Variants in SGCZ observed in about 807,000 individuals in gnomAD.
SGCZ encodes sarcoglycan zeta, also known as zeta-sarcoglycan.
Under a neutral mutation model 41.3 loss-of-function variants are expected in SGCZ, and 40 were observed. The observed-to-expected ratio is 0.97, with a 90% CI of 0.75 to 1.26. The LOEUF is 1.26. SGCZ is among the 50% of genes most tolerant of loss of function. The pLI, the probability that SGCZ is intolerant of heterozygous loss-of-function variation, is 0.00. For synonymous variants in SGCZ, 206 were observed against 137.5 expected (o/e 1.50, Z -3.49); for missense variants, 552 against 369.8 (o/e 1.49, Z -4.04).
chr8:14,597,665 TG>T (rs372046506), intron 1 of SGCZ, among the ~76,000 whole-genome samples: 325 of 152,164 alleles, frequency 2.1e-3, no homozygotes, highest in Middle Eastern at 6.8e-3. Context: ...TTAGTAGTAA[TG>T]GGGTTTTACC....
In SGCZ at chr8:14,784,204, C is replaced by T. The variant is rs985390991; in HGVS notation, c.40-229278G>A. 3.0e-5 allele frequency among the ~76,000 whole-genome samples: 4 copies of T among 134,522 alleles called. No homozygotes were observed. The Admixed American group carries it at 3.2e-4, about 11-fold the overall frequency. The allele number at this position is 134,522 out of a possible 152,430, so 88.3% of individuals were successfully genotyped here. On this transcript the variant is annotated intron_variant, in intron 1 of 7. Transcript: ENST00000382080. The stretch of plus-strand genomic sequence containing the variant: ...TAGCAGGGAACACAGGCACATGCCA[C>T]CGAGCCTGGCTAATTTTTTTTTATT...
intron 1 of SGCZ, among the ~76,000 whole-genome samples, chr8:14,914,184 A>C: frequency 6.6e-6 from 1 of 151,834 alleles, no homozygotes; most frequent in Middle Eastern, 3.2e-3. Context: ...TATATATAAA[A>C]TATAGTTATA....
intron 2 of SGCZ, among the ~76,000 whole-genome samples, chr8:14,551,567 A>G (rs1056594621): frequency 4.2e-5 from 1 of 23,678 alleles, no homozygotes; most frequent in East Asian, 2.2e-3. Flanking sequence ...TATTATATAT[A>G]TAATATATAT....
rs1056138769 is a variant in SGCZ at position 15,000,766 on chromosome 8, C to T, written c.39+236819G>A. On this transcript the variant is annotated intron_variant, in intron 1 of 7. Transcript: ENST00000382080. ...TGTGAGCCCTGTGTAAATCAGACAC[C>T]GCCTTCTCCAGCCTGCCTATAAAAT... Among the ~76,000 whole-genome samples, 23 of 152,144 alleles carry T rather than the reference C, an allele frequency of 1.5e-4. 1 individual carries two copies. The highest frequency in any genetic ancestry group is 3.2e-4 in the Non-Finnish European group (22 of 68,022).
intron 2 of SGCZ, among the ~76,000 whole-genome samples, chr8:14,426,062 T>G (rs1799773974): frequency 6.6e-6 from 1 of 152,180 alleles, no homozygotes; most frequent in Non-Finnish European, 1.5e-5. Context: ...CTAGTAAGAA[T>G]AGTGAAGACA....
At chr8:14,311,674 T>C (rs767598286) in intron 3 of SGCZ, among the ~76,000 whole-genome samples, 4 of 152,206 alleles carry the variant, frequency 2.6e-5, no homozygotes, top group Admixed American at 6.6e-5. Context: ...AGCTCTTACA[T>C]ATGCAAAGCA....
At chr8:15,127,302 C>T (rs1017957016) in intron 1 of SGCZ, among the ~76,000 whole-genome samples, 1 of 151,362 alleles carries the variant, frequency 6.6e-6, no homozygotes, top group Non-Finnish European at 1.5e-5. Context: ...ACATACATGG[C>T]ATACCAGGAT....
In SGCZ at chr8:14,931,239, A is replaced by G. The variant is rs1343829831; in HGVS notation, c.39+306346T>C. ...ATTTAATCAGAACTAAGGGGTAAAA[A>G]AAATCTCATTTTATTCACTTATAGT... On this transcript the variant is annotated intron_variant, in intron 1 of 7. Transcript: ENST00000382080. Among the ~76,000 whole-genome samples, 4 of 152,032 alleles carry G rather than the reference A, an allele frequency of 2.6e-5. 1 individual carries two copies. Among genetic ancestry groups the G allele is most frequent in the Admixed American group, 2.6e-4 (4 of 15,278 alleles).
At chr8:14,136,900 G>C (rs1007165444) in intron 5 of SGCZ, among the ~76,000 whole-genome samples, 1 of 152,158 alleles carries the variant, frequency 6.6e-6, no homozygotes, top group African/African-American at 2.4e-5. Context: ...CTTCCCAGAA[G>C]GGCCGACTGA....
chr8:14,477,634 G>A (rs148866196), intron 2 of SGCZ, among the ~76,000 whole-genome samples: 243 of 152,218 alleles, frequency 1.6e-3, no homozygotes, highest in African/African-American at 5.2e-3. Flanking sequence ...ATTTAGCTAA[G>A]TCTAGTCTAA....
intron 1 of SGCZ, among the ~76,000 whole-genome samples, chr8:15,171,077 A>C (rs868275505): frequency 2.1e-4 from 32 of 152,340 alleles, no homozygotes; most frequent in African/African-American, 7.2e-4. Context: ...AAAACAACAG[A>C]AACAATTTTA....
chr8:15,107,795 G>C (rs1269372098), intron 1 of SGCZ, among the ~76,000 whole-genome samples: 3 of 152,184 alleles, frequency 2.0e-5, no homozygotes, highest in African/African-American at 7.2e-5. Context: ...ACTCTTTGGA[G>C]ATTTGGTGTT....
chr8:14,480,657 T>G (rs1272613948), intron 2 of SGCZ, among the ~76,000 whole-genome samples: 1 of 152,114 alleles, frequency 6.6e-6, no homozygotes, highest in African/African-American at 2.4e-5. Flanking sequence ...AAAAAACTTA[T>G]GCTTATTCCA....
At chr8:15,036,319 G>A (rs1365903996) in intron 1 of SGCZ, among the ~76,000 whole-genome samples, 2 of 151,996 alleles carry the variant, frequency 1.3e-5, no homozygotes, top group Non-Finnish European at 2.9e-5. Flanking sequence ...CCAATAAAGA[G>A]TAAGGAGATC....
intron 2 of SGCZ, among the ~76,000 whole-genome samples, chr8:14,479,761 T>A (rs1299859610): frequency 2.2e-5 from 2 of 92,114 alleles, no homozygotes; most frequent in African/African-American, 3.1e-5. Flanking sequence ...TTTTTTTTTT[T>A]ATTTGAGATG....
At chr8:15,167,786 G>T (rs1354084818) in intron 1 of SGCZ, among the ~76,000 whole-genome samples, 1 of 152,014 alleles carries the variant, frequency 6.6e-6, no homozygotes, top group Non-Finnish European at 1.5e-5. Flanking sequence ...TATATTTTAG[G>T]CTAACCCTGC....
chr8:14,560,368 G>T (rs1472479198), intron 1 of SGCZ, among the ~76,000 whole-genome samples: 1 of 151,720 alleles, frequency 6.6e-6, no homozygotes, highest in African/African-American at 2.4e-5. Flanking sequence ...TTAAAAAGCA[G>T]AATTTTAAAA....
chr8:14,558,135 A>G (rs908392348), intron 1 of SGCZ, among the ~76,000 whole-genome samples: 1 of 152,172 alleles, frequency 6.6e-6, no homozygotes, highest in Non-Finnish European at 1.5e-5. Flanking sequence ...GAAACACTGA[A>G]CAGACCAATA....
intron 1 of SGCZ, among the ~76,000 whole-genome samples, chr8:14,910,493 T>A (rs968479061): frequency 6.6e-6 from 1 of 151,232 alleles, no homozygotes; most frequent in Admixed American, 6.6e-5. Flanking sequence ...CTGTTTTTTT[T>A]AAATGTACAT....
Sources: allele counts gnomAD v4.1 joint callset (sites outside exome capture counted in the v4.1 genomes callset), GRCh38; gene constraint gnomAD v4.1.1; transcripts MANE v1.5; gene names NCBI Gene and HGNC (gene_info 2026-07-23, HGNC 2026-07-21).